MID2: variants seen among roughly 807,000 people sequenced by gnomAD.
MID2 encodes midline 2.
A neutral mutation model predicts 46.1 loss-of-function variants in MID2; 13 were observed. The observed-to-expected ratio is 0.28, with a 90% CI of 0.18 to 0.45. The LOEUF (loss-of-function observed/expected upper bound fraction) is 0.45. Ranked by LOEUF, MID2 falls within the 20% of genes least tolerant of loss-of-function variation. MID2 has a pLI of 1.00. For synonymous variants in MID2, 199 were observed against 212.3 expected (o/e 0.94, Z 0.55); for missense variants, 431 against 575.4 (o/e 0.75, Z 2.57).
chrX:107,904,318 A>G (rs5916793), intron 4 of MID2, among the ~76,000 whole-genome samples: 1 of 111,705 alleles, frequency 9.0e-6, no homozygotes, highest in African/African-American at 3.2e-5. Flanking sequence ...TGAGCTGTAC[A>G]CTTAGGATTT....
chrX:107,916,774 T>A (rs1350788064), intron 6 of MID2, among the ~76,000 whole-genome samples: 1 of 112,722 alleles, frequency 8.9e-6, no homozygotes, highest in Non-Finnish European at 1.9e-5. Flanking sequence ...TTACAACAAA[T>A]CTATAAGTTA....
intron 3 of MID2, among the ~76,000 whole-genome samples, chrX:107,862,675 T>G (rs1364172194): frequency 8.9e-6 from 1 of 112,668 alleles, no homozygotes; most frequent in Admixed American, 9.4e-5. Context: ...ATTACTGCCT[T>G]TAAGCAAAGC....
rs980563454 is a variant in MID2, at chrX:107,840,765, C to G, written c.100C>G (p.Leu34Val). Residue 34 changes from leucine to valine, a missense_variant, in exon 2 of 10, where the codon CTA (leucine) becomes GTA (valine). Coordinates refer to ENST00000262843, the MANE Select transcript of MID2 (RefSeq NM_012216.4). ...LESELTCPIC[L>V]ELFEDPLLLP... ...GTCTGAATTGACCTGTCCAATCTGC[C>G]TAGAGTTGTTTGAAGACCCCCTTCT... The G allele has an allele frequency of 8.3e-7, 1 of 1,211,379 alleles. No individual in the cohort carries two copies. The highest frequency in any genetic ancestry group is 1.1e-6 in the Non-Finnish European group (1 of 895,278).
intron 1 of MID2, among the ~76,000 whole-genome samples, chrX:107,828,331 A>G (rs187704693): frequency 9.8e-3 from 398 of 40,610 alleles, no homozygotes; most frequent in African/African-American, 0.087. Context: ...TTTTTTTTTG[A>G]GACAGGGTCT....
intron 3 of MID2, among the ~76,000 whole-genome samples, chrX:107,874,849 G>A (rs928593603): frequency 9.0e-6 from 1 of 111,288 alleles, no homozygotes; most frequent in African/African-American, 3.3e-5. Flanking sequence ...CAGTGCTCTG[G>A]TCCCCTCTGA....
chrX:107,927,846 T>C lies in MID2; in HGVS notation c.*773T>C, dbSNP rs1240073770. Among the ~76,000 whole-genome samples the C allele has an allele frequency of 9.0e-6, 1 of 111,668 alleles. No individual in the cohort carries two copies. Among genetic ancestry groups the C allele is most frequent in the Non-Finnish European group, 1.9e-5 (1 of 53,112 alleles). On this transcript the variant is annotated 3_prime_UTR_variant, in exon 10 of 10. Transcript: ENST00000262843. ...ATTTATTTCCTCCCTCTATCCATCA[T>C]TGCCTTCCTCCCTCCTGTCACGCAC...
chrX:107,839,321 G>GAGTTACCA (rs1403722105), intron 1 of MID2, among the ~76,000 whole-genome samples: 1 of 110,243 alleles, frequency 9.1e-6, no homozygotes, highest in Non-Finnish European at 1.9e-5. Flanking sequence ...AAAATAGATA[G>GAGTTACCA]AGTTACCAAG....
At chrX:107,901,706 A>G (rs1231392595) in intron 3 of MID2, among the ~76,000 whole-genome samples, 2 of 111,578 alleles carry the variant, frequency 1.8e-5, no homozygotes, top group East Asian at 5.6e-4. Context: ...AGAGTATGTG[A>G]AAATATAAAT....
Position 107,917,344 on chromosome X carries a change from T to G in MID2, c.1202-162T>G, listed in dbSNP as rs772218595. On this transcript the variant is annotated intron_variant, in intron 6 of 9. Coordinates refer to ENST00000262843, the MANE Select transcript of MID2 (RefSeq NM_012216.4). ...AAAAGTGGTTTTAGGGAGCTTGAGATCCCAGCATTTTGCTTCAGGTTGCAT... is the reference window on the plus strand; with the variant it reads ...AAAAGTGGTTTTAGGGAGCTTGAGAGCCCAGCATTTTGCTTCAGGTTGCAT... Among the ~76,000 whole-genome samples, 6 of 111,841 alleles carry G rather than the reference T, an allele frequency of 5.4e-5. No homozygotes were observed. The East Asian group carries it at 1.7e-3, about 31-fold the overall frequency.
In MID2 at chrX:107,926,310, A is replaced by T; in HGVS notation, c.1805+9A>T. 1 of 1,186,216 alleles carries T rather than the reference A, an allele frequency of 8.4e-7. No homozygotes were observed. Among genetic ancestry groups the T allele is most frequent in the Non-Finnish European group, 1.1e-6 (1 of 875,422 alleles). On this transcript the variant is annotated intron_variant, in intron 9 of 9. Coordinates refer to ENST00000262843, the MANE Select transcript of MID2 (RefSeq NM_012216.4). ...ATGGGTTCCTCAACATGGTGAGTGG[A>T]TCCCATTTTCCTTTTCTTTTCTGTC...
chrX:107,897,669 T>A (rs1932757125), intron 3 of MID2, among the ~76,000 whole-genome samples: 1 of 111,067 alleles, frequency 9.0e-6, no homozygotes, highest in Non-Finnish European at 1.9e-5. Context: ...ATGATGCTAG[T>A]GCTAGTGGTA....
intron 5 of MID2, among the ~76,000 whole-genome samples, chrX:107,915,795 T>C (rs1042129906): frequency 8.1e-5 from 9 of 111,386 alleles, no homozygotes; most frequent in African/African-American, 2.6e-4. Context: ...GGTGAACATA[T>C]GTGAATAAAT....
intron 5 of MID2, among the ~76,000 whole-genome samples, chrX:107,912,533 C>T (rs764646288): frequency 2.7e-5 from 3 of 111,824 alleles, no homozygotes; most frequent in Admixed American, 9.5e-5. Flanking sequence ...CATGAACACT[C>T]CTGGTTTTCT....
intron 3 of MID2, among the ~76,000 whole-genome samples, chrX:107,888,283 C>T (rs1433346181): frequency 3.6e-5 from 4 of 112,098 alleles, no homozygotes; most frequent in Non-Finnish European, 7.5e-5. Flanking sequence ...TTTCCCTCTA[C>T]ACACTGCTTT....
intron 3 of MID2, among the ~76,000 whole-genome samples, chrX:107,857,753 A>G (rs187468989): frequency 8.9e-6 from 1 of 112,245 alleles, no homozygotes; most frequent in East Asian, 2.8e-4. Flanking sequence ...TGAAATGTAT[A>G]GTAGAATACT....
At position 107,841,258 on chromosome X, in the gene MID2, A is replaced by G; in HGVS notation, c.593A>G (p.His198Arg). 8.3e-7 allele frequency: 1 copy of G among 1,211,226 alleles called. No homozygotes were observed. Among genetic ancestry groups the G allele is most frequent in the Admixed American group, 2.2e-5 (1 of 46,037 alleles). ...THLRGITCLD[H>R]ENEKVNMYCV... ...CTTCGAGGGATCACCTGCCTGGACC[A>G]TGAGAATGAGAAAGTGAACATGTAC... Residue 198 changes from histidine to arginine, a missense_variant, in exon 2 of 10, where the codon CAT becomes CGT. By Grantham distance (29) the His-to-Arg change is conservative. Coordinates refer to ENST00000262843, the MANE Select transcript of MID2 (RefSeq NM_012216.4).
intron 3 of MID2, among the ~76,000 whole-genome samples, chrX:107,870,706 G>C (rs1932044233): frequency 9.4e-6 from 1 of 105,967 alleles, no homozygotes; most frequent in African/African-American, 3.5e-5. Flanking sequence ...ATCCACTAAA[G>C]TGTAAGTTTT....
chrX:107,892,914 G>A (rs770616515), intron 3 of MID2, among the ~76,000 whole-genome samples: 23 of 112,675 alleles, frequency 2.0e-4, no homozygotes, highest in African/African-American at 6.1e-4. Flanking sequence ...TAACTGCTCA[G>A]TATCTGCTTC....
intron 3 of MID2, among the ~76,000 whole-genome samples, chrX:107,872,962 C>A (rs1028479296): frequency 1.8e-5 from 2 of 110,974 alleles, no homozygotes; most frequent in Non-Finnish European, 3.8e-5. Context: ...GGCGACGAGT[C>A]TCCTAAGACA....
Sources: gnomAD v4.1 joint callset for allele counts (sites outside exome capture counted in the v4.1 genomes callset) on GRCh38, gnomAD v4.1.1 for gene constraint, MANE v1.5 for transcripts, NCBI Gene and HGNC (gene_info 2026-07-23, HGNC 2026-07-21) for gene names.